MECR: variants seen among roughly 807,000 people sequenced by gnomAD.
MECR encodes enoyl-[acyl-carrier-protein] reductase, mitochondrial.
MECR carries 37 observed loss-of-function variants against 49.1 expected under a neutral mutation model. The ratio of observed to expected loss-of-function variants is 0.75; its 90% confidence interval spans 0.58 to 0.99. The LOEUF (loss-of-function observed/expected upper bound fraction) is 0.99. Among genes scored for constraint, MECR ranks in the 50% least tolerant of loss-of-function variants. The pLI is 0.00. For synonymous variants in MECR, 198 were observed against 191.1 expected (o/e 1.04, Z -0.30); for missense variants, 470 against 479.6 (o/e 0.98, Z 0.19).
intron 3 of MECR, among the ~76,000 whole-genome samples, chr1:29,208,602 C>G (rs1034392304): frequency 1.3e-5 from 2 of 152,196 alleles, no homozygotes; most frequent in South Asian, 2.1e-4. Flanking sequence ...TATCGAACAT[C>G]GACTTTGAAC....
chr1:29,175,678 G>C, the MECR span, among the ~76,000 whole-genome samples: 2 of 99,574 alleles, frequency 2.0e-5, no homozygotes, highest in Admixed American at 3.2e-4. Flanking sequence ...CTGGGCGACA[G>C]AGCCAGACGC....
At chr1:29,181,793 C>T in the MECR span, 1 of 1,506,606 alleles carries the variant, frequency 6.6e-7, no homozygotes, top group East Asian at 2.7e-5. Flanking sequence ...CCCCAGCCCC[C>T]CTTAGGCGGC....
chr1:29,212,568 T>A (rs72649271), intron 3 of MECR, among the ~76,000 whole-genome samples: 3,417 of 152,296 alleles, frequency 0.022, 45 homozygotes, highest in Non-Finnish European at 0.036. Flanking sequence ...TGCCAAGTCC[T>A]GTTACTTTAG....
intron 7 of MECR, among the ~76,000 whole-genome samples, chr1:29,198,064 A>G (rs1238194151): frequency 6.6e-6 from 1 of 152,200 alleles, no homozygotes; most frequent in East Asian, 1.9e-4. Context: ...ATTCTCAGGC[A>G]TTAGATTCTC....
the MECR span, among the ~76,000 whole-genome samples, chr1:29,176,525 C>T: frequency 1.3e-5 from 2 of 151,524 alleles, no homozygotes; most frequent in African/African-American, 4.8e-5. Context: ...TGTAACAGCT[C>T]ATCTAACCAG....
the MECR span, among the ~76,000 whole-genome samples, chr1:29,176,323 TTTTTC>T: frequency 6.6e-6 from 1 of 152,082 alleles, no homozygotes; most frequent in Non-Finnish European, 1.5e-5. Flanking sequence ...AAGTGTTTGC[TTTTTC>T]TTTTGTCACT....
intron 3 of MECR, among the ~76,000 whole-genome samples, chr1:29,211,419 T>C (rs1558463939): frequency 6.6e-6 from 1 of 152,234 alleles, no homozygotes; most frequent in Non-Finnish European, 1.5e-5. Flanking sequence ...TGTTTATATA[T>C]TGCCTGTGGC....
At chr1:29,170,622 TTAAG>T in the MECR span, 1 of 152,232 alleles carries the variant, frequency 6.6e-6, no homozygotes, top group Non-Finnish European at 1.5e-5. Context: ...ATGCCACTAA[TTAAG>T]TATTTTAATG....
chr1:29,207,971 C>T (rs185550318), intron 3 of MECR, among the ~76,000 whole-genome samples: 93 of 152,024 alleles, frequency 6.1e-4, no homozygotes, highest in Admixed American at 1.6e-3. Context: ...CCTCATTCTT[C>T]TCATCCAGAG....
At chr1:29,223,102 A>C in intron 1 of MECR, 3 of 985,452 alleles carry the variant, frequency 3.0e-6, no homozygotes, top group Non-Finnish European at 2.4e-6. Flanking sequence ...GAGGCACCCA[A>C]CCCAGCCTGG....
chr1:29,211,694 G>A (rs1678053941), intron 3 of MECR, among the ~76,000 whole-genome samples: 1 of 95,582 alleles, frequency 1.0e-5, no homozygotes, highest in Non-Finnish European at 2.7e-5. Flanking sequence ...CAGCGGAGCT[G>A]GAAAGAGAAC....
chr1:29,195,427 A>G (rs1673725696), intron 9 of MECR, among the ~76,000 whole-genome samples: 1 of 152,192 alleles, frequency 6.6e-6, no homozygotes, highest in Non-Finnish European at 1.5e-5. Flanking sequence ...ATGAACAGGG[A>G]GATGATCTGT....
At chr1:29,221,598 G>A (rs150866783) in intron 1 of MECR, among the ~76,000 whole-genome samples, 76 of 152,316 alleles carry the variant, frequency 5.0e-4, no homozygotes, top group African/African-American at 1.8e-3. Flanking sequence ...AGTTCCATGT[G>A]GCGGGAGGGA....
intron 1 of MECR, 62 bp from the exon 2 acceptor site, chr1:29,216,747 A>T: frequency 6.2e-7 from 1 of 1,612,130 alleles, no homozygotes; most frequent in Non-Finnish European, 8.5e-7. Flanking sequence ...GTTTCGCTCA[A>T]ATCATCTCCT....
chr1:29,214,061 C>CTTTT (rs1200557418), intron 3 of MECR, among the ~76,000 whole-genome samples: 1 of 138,560 alleles, frequency 7.2e-6, no homozygotes. Context: ...AATCAACTTT[C>CTTTT]TTTTTTTTTT....
intron 4 of MECR, among the ~76,000 whole-genome samples, chr1:29,204,315 C>T (rs1355989426): frequency 6.6e-6 from 1 of 151,990 alleles, no homozygotes; most frequent in East Asian, 1.9e-4. Context: ...TGAGAGGCAG[C>T]AGGGATCTGT....
chr1:29,194,853 C>T lies in MECR; in HGVS notation c.965-674G>A, dbSNP rs149225536. Reference sequence around the variant, plus strand: ...AGTCTTGTCTGGGTGTGGTGCCTCACGCCTGTAATCCCAGCACTCTTGGAG... The same window carrying T: ...AGTCTTGTCTGGGTGTGGTGCCTCATGCCTGTAATCCCAGCACTCTTGGAG... On this transcript the variant is annotated intron_variant, in intron 9 of 9. Transcript: ENST00000263702. Among the ~76,000 whole-genome samples the T allele has an allele frequency of 3.2e-4, 48 of 152,296 alleles. 1 individual carries two copies. Among genetic ancestry groups the T allele is most frequent in the East Asian group, 3.9e-4 (2 of 5,188 alleles).
chr1:29,203,049 G>T, intron 5 of MECR, 82 bp downstream of exon 5: 1 of 1,170,368 alleles, frequency 8.5e-7, no homozygotes, highest in Non-Finnish European at 1.2e-6. Context: ...GGCGCCCTCT[G>T]GTGGACAACT....
intron 1 of MECR, among the ~76,000 whole-genome samples, chr1:29,222,497 T>A (rs1264528676): frequency 6.6e-6 from 1 of 152,142 alleles, no homozygotes; most frequent in Non-Finnish European, 1.5e-5. Flanking sequence ...CTCTGAGAAG[T>A]CCCGGAATAA....
Sources: allele counts gnomAD v4.1 joint callset (sites outside exome capture counted in the v4.1 genomes callset), GRCh38; gene constraint gnomAD v4.1.1; transcripts MANE v1.5; gene names NCBI Gene and HGNC (gene_info 2026-07-23, HGNC 2026-07-21).